Variants in P2RX3 observed in about 807,000 individuals in gnomAD.
P2RX3 encodes the protein P2X purinoceptor 3.
In P2RX3, 41 loss-of-function variants were observed where a neutral mutation model predicts 51.5. The observed-to-expected ratio is 0.80, with a 90% CI of 0.62 to 1.03. P2RX3 has a LOEUF of 1.03. Ranked by LOEUF, P2RX3 falls within the 50% of genes least tolerant of loss-of-function variation. The pLI is 0.00. For synonymous variants in P2RX3, 185 were observed against 191.6 expected (o/e 0.97, Z 0.29); for missense variants, 459 against 522.1 (o/e 0.88, Z 1.18).
intron 6 of P2RX3, 56 bp downstream of exon 6, chr11:57,348,760 C>T (rs1856490096): frequency 2.9e-6 from 4 of 1,373,464 alleles, no homozygotes; most frequent in Non-Finnish European, 4.1e-6. Context: ...GCCCTGCCAA[C>T]CTGTTTTCAG....
chr11:57,345,740 G>A (rs1034201102), intron 1 of P2RX3, among the ~76,000 whole-genome samples: 5 of 152,064 alleles, frequency 3.3e-5, no homozygotes, highest in Admixed American at 6.5e-5. Context: ...AGATAGGGAT[G>A]GAAAAAGGGA....
At chr11:57,337,329 AAAGGAAGGGAAGGAAAG>A (rs1856246887), upstream of P2RX3, among the ~76,000 whole-genome samples, 1 of 77,296 alleles carries the variant, frequency 1.3e-5, no homozygotes, top group African/African-American at 5.7e-5. Flanking sequence ...AAGAAAAAAA[AAAGGAAGGGAAGGAAAG>A]AAAGAAAAAA....
chr11:57,367,442 C>T (rs962593008), intron 8 of P2RX3, among the ~76,000 whole-genome samples: 2 of 152,126 alleles, frequency 1.3e-5, no homozygotes, highest in Admixed American at 6.6e-5. Context: ...AAGTTCTGGC[C>T]GGACGCGGTG....
intron 2 of P2RX3, 130 bp from the exon 3 acceptor site, chr11:57,346,986 G>C (rs373344992): frequency 2.0e-6 from 2 of 1,010,140 alleles, no homozygotes. Flanking sequence ...CACCAGCCCT[G>C]TGACCTTGGC....
rs781374134 is a variant in P2RX3 at position 57,369,988 on chromosome 11, A to G, written c.1185A>G (p.Ile395Met). ...CCACCGATTCGGGGGCCTTCTCCAT[A>G]GGCCACTAGGGCCTCTTTCCAGGGC... ...KQSTDSGAFSIGH is the reference protein window; with the variant it reads ...KQSTDSGAFSMGH Residue 395 changes from isoleucine to methionine, a missense_variant, in exon 12 of 12, where the codon ATA becomes ATG. Ile to Met is a conservative substitution (Grantham distance 10). Coordinates refer to ENST00000263314, the MANE Select transcript of P2RX3 (RefSeq NM_002559.5). 26 of 1,611,018 alleles carry G rather than the reference A, an allele frequency of 1.6e-5. No individual in the cohort carries two copies. The African/African-American group carries it at 2.7e-4, about 17-fold the overall frequency.
chr11:57,348,151 G>C lies in P2RX3; in HGVS notation c.392-19G>C. On this transcript the variant is annotated intron_variant, in intron 4 of 11. Coordinates refer to ENST00000263314, the MANE Select transcript of P2RX3 (RefSeq NM_002559.5). ...GCAAAGGGCAGGCAGCCACCCAGCA[G>C]CTGTGGCTCTCACTTTAGGGATCCT... 6.4e-7 allele frequency: 1 copy of C among 1,554,920 alleles called. No homozygotes were observed. Among genetic ancestry groups the C allele is most frequent in the Non-Finnish European group, 8.7e-7 (1 of 1,144,346 alleles).
chr11:57,350,194 G>A (rs1167835406), intron 7 of P2RX3: 1 of 421,206 alleles, frequency 2.4e-6, no homozygotes, highest in Non-Finnish European at 4.3e-6. Context: ...CCAAACGACG[G>A]GAAAGTAGAC....
chr11:57,354,167 G>C lies in P2RX3; in HGVS notation c.842+3269G>C, dbSNP rs529935281. ...TTCATTGGAAAGGTGACCTCAAATT[G>C]AGCCAAAATGTGCCTCCCTTTAAAT... On this transcript the variant is annotated intron_variant, in intron 8 of 11. Coordinates refer to ENST00000263314, the MANE Select transcript of P2RX3 (RefSeq NM_002559.5). Among the ~76,000 whole-genome samples, 19 of 152,256 alleles carry C rather than the reference G, an allele frequency of 1.2e-4. No individual in the cohort carries two copies. In the East Asian group the frequency reaches 3.7e-3, roughly 29 times the overall value.
chr11:57,357,100 C>T (rs905069838), intron 8 of P2RX3, among the ~76,000 whole-genome samples: 96 of 152,188 alleles, frequency 6.3e-4, no homozygotes, highest in African/African-American at 1.7e-3. Flanking sequence ...GGGCAGATCA[C>T]GAGTTCAGGA....
chr11:57,365,181 CAGG>C (rs1856779712), intron 8 of P2RX3, among the ~76,000 whole-genome samples: 1 of 152,158 alleles, frequency 6.6e-6, no homozygotes, highest in Non-Finnish European at 1.5e-5. Flanking sequence ...TGGGAGTGGT[CAGG>C]GTAGGTAACC....
chr11:57,368,473 CAG>C (rs1565074572), intron 10 of P2RX3, 36 bp downstream of exon 10: 1 of 1,610,680 alleles, frequency 6.2e-7, no homozygotes, highest in South Asian at 1.1e-5. Flanking sequence ...ACGGGCCAGT[CAG>C]AGTGGGGCCC....
intron 8 of P2RX3, among the ~76,000 whole-genome samples, chr11:57,356,347 G>T (rs540200910): frequency 8.5e-5 from 13 of 152,328 alleles, no homozygotes; most frequent in African/African-American, 3.1e-4. Flanking sequence ...GTGATTGACG[G>T]GAGAGAATCG....
At chr11:57,342,794 C>G (rs536336642) in intron 1 of P2RX3, among the ~76,000 whole-genome samples, 23 of 151,832 alleles carry the variant, frequency 1.5e-4, no homozygotes, top group Non-Finnish European at 3.2e-4. Flanking sequence ...CTCTGCCCAG[C>G]TCACACCTTC....
chr11:57,359,060 G>A (rs1856675041), intron 8 of P2RX3, among the ~76,000 whole-genome samples: 1 of 152,132 alleles, frequency 6.6e-6, no homozygotes, highest in Non-Finnish European at 1.5e-5. Flanking sequence ...TACACAACAG[G>A]AACCAGCATG....
intron 8 of P2RX3, among the ~76,000 whole-genome samples, chr11:57,365,223 GGGTGACTGAATAAAGAGACTATACACAAA>G (rs1856780404): frequency 6.6e-6 from 1 of 152,206 alleles, no homozygotes; most frequent in Non-Finnish European, 1.5e-5. Context: ...GGTCTCACAG[GGGTGACTGAATAAAGAGACTATACACAAA>G]GGTGCATTCC....
At chr11:57,346,093 T>G (rs1051364253) in intron 1 of P2RX3, among the ~76,000 whole-genome samples, 6 of 152,198 alleles carry the variant, frequency 3.9e-5, no homozygotes, top group African/African-American at 1.4e-4. Context: ...AGCAGAGGCC[T>G]GGGATCCTCT....
chr11:57,356,482 T>C (rs1275052200), intron 8 of P2RX3, among the ~76,000 whole-genome samples: 2 of 152,242 alleles, frequency 1.3e-5, no homozygotes, highest in African/African-American at 4.8e-5. Context: ...AAAACATTTG[T>C]TCAGCTGCTA....
At chr11:57,349,321 C>G (rs1229000592) in intron 6 of P2RX3, among the ~76,000 whole-genome samples, 5 of 151,240 alleles carry the variant, frequency 3.3e-5, no homozygotes. Context: ...AAAAAATTAG[C>G]CAGGCGCCGT....
At chr11:57,361,324 G>T (rs940030444) in intron 8 of P2RX3, among the ~76,000 whole-genome samples, 2 of 151,836 alleles carry the variant, frequency 1.3e-5, no homozygotes, top group African/African-American at 4.8e-5. Context: ...GGATACATGT[G>T]CAGGACGTGC....
Sources: allele counts gnomAD v4.1 joint callset (sites outside exome capture counted in the v4.1 genomes callset), GRCh38; gene constraint gnomAD v4.1.1; transcripts MANE v1.5; gene names NCBI Gene and HGNC (gene_info 2026-07-23, HGNC 2026-07-21).